CSMD3: variants seen among roughly 807,000 people sequenced by gnomAD.
CSMD3 encodes CUB and Sushi multiple domains 3.
Under a neutral mutation model 435.2 loss-of-function variants are expected in CSMD3, and 177 were observed. That is an observed-to-expected ratio of 0.41 (90% CI 0.36 to 0.46). The LOEUF (loss-of-function observed/expected upper bound fraction) is 0.46, where lower values mean the gene tolerates loss of function less well. Among genes scored for constraint, CSMD3 ranks in the 20% least tolerant of loss-of-function variants. CSMD3 has a pLI of 0.34. For synonymous variants in CSMD3, 1,656 were observed against 1,520.5 expected, an observed-to-expected ratio of 1.09 and a Z score of -2.07; for missense variants, 4,265 against 4,504.6, an observed-to-expected ratio of 0.95 and a Z score of 1.52.
At chr8:113,041,839 C>G (rs888269900) in intron 5 of CSMD3, among the ~76,000 whole-genome samples, 1 of 152,208 alleles carries the variant, frequency 6.6e-6, no homozygotes, top group South Asian at 2.1e-4. Context: ...CTGTTTTATA[C>G]ATTAAAATTT....
chr8:112,272,427 T>C (rs1381545263), intron 59 of CSMD3, among the ~76,000 whole-genome samples: 1 of 152,162 alleles, frequency 6.6e-6, no homozygotes, highest in Non-Finnish European at 1.5e-5. Flanking sequence ...TCTGGGCATA[T>C]AGTAACCATA....
intron 38 of CSMD3, among the ~76,000 whole-genome samples, chr8:112,360,489 G>C (rs1411614654): frequency 6.6e-6 from 1 of 151,816 alleles, no homozygotes; most frequent in Non-Finnish European, 1.5e-5. Context: ...AAGCAATTTT[G>C]TAAGTTAAAA....
chr8:113,323,876 T>C (rs1031039101), intron 1 of CSMD3, among the ~76,000 whole-genome samples: 10 of 152,338 alleles, frequency 6.6e-5, no homozygotes, highest in African/African-American at 2.4e-4. Flanking sequence ...TCCAGTAACC[T>C]TTCTTCTTTT....
At chr8:113,100,426 C>T (rs1230713906) in intron 4 of CSMD3, among the ~76,000 whole-genome samples, 1 of 152,070 alleles carries the variant, frequency 6.6e-6, no homozygotes, top group Admixed American at 6.6e-5. Context: ...TCTTTCCCTT[C>T]TCAAGTACCA....
At chr8:112,929,231 GT>G (rs2083016868) in intron 9 of CSMD3, among the ~76,000 whole-genome samples, 1 of 119,068 alleles carries the variant, frequency 8.4e-6, no homozygotes. Context: ...CTCCCATGGG[GT>G]GGGGGGAGGG....
intron 31 of CSMD3, among the ~76,000 whole-genome samples, chr8:112,481,396 A>T (rs1819610566): frequency 6.6e-6 from 1 of 152,212 alleles, no homozygotes; most frequent in Admixed American, 6.5e-5. Flanking sequence ...CACTTGTGTA[A>T]TGCATAATTT....
At chr8:112,422,482 C>A (rs1417795957) in intron 32 of CSMD3, among the ~76,000 whole-genome samples, 7 of 152,078 alleles carry the variant, frequency 4.6e-5, no homozygotes, top group Admixed American at 4.6e-4. Flanking sequence ...CAAAGTAAAA[C>A]GTTAGTCATA....
chr8:112,907,235 G>A (rs2082288527), intron 10 of CSMD3, among the ~76,000 whole-genome samples: 1 of 151,400 alleles, frequency 6.6e-6, no homozygotes, highest in African/African-American at 2.4e-5. Context: ...TGTATGCTGG[G>A]ACTGACAGTC....
chr8:112,611,553 C>T (rs1833262398), intron 22 of CSMD3, among the ~76,000 whole-genome samples: 1 of 151,982 alleles, frequency 6.6e-6, no homozygotes. Flanking sequence ...AGCATGATAG[C>T]TAAGTATTGA....
chr8:112,642,326 C>A (rs755388869), intron 20 of CSMD3, among the ~76,000 whole-genome samples: 1 of 151,952 alleles, frequency 6.6e-6, no homozygotes, highest in African/African-American at 2.4e-5. Flanking sequence ...TAATTAGCAT[C>A]CTGACTTCTA....
intron 7 of CSMD3, among the ~76,000 whole-genome samples, chr8:112,957,078 TA>T (rs979344543): frequency 2.6e-5 from 4 of 151,970 alleles, no homozygotes; most frequent in African/African-American, 4.8e-5. Context: ...ATAAATAAAT[TA>T]AAAAAATAAA....
intron 3 of CSMD3, among the ~76,000 whole-genome samples, chr8:113,254,682 A>G (rs2093364803): frequency 1.3e-5 from 2 of 152,212 alleles, no homozygotes; most frequent in Non-Finnish European, 2.9e-5. Flanking sequence ...AGAAGGAGAG[A>G]CATAAATGAA....
intron 53 of CSMD3, among the ~76,000 whole-genome samples, chr8:112,298,066 C>CAAAAAAAAAAAAAAAAAAAAAAAAAA (rs35232021): frequency 2.1e-5 from 2 of 93,588 alleles, no homozygotes; most frequent in Non-Finnish European, 4.5e-5. Context: ...TGCCATTGCA[C>CAAAAAAAAAAAAAAAAAAAAAAAAAA]AAAAAAAAAA....
At chr8:113,415,324 T>C (rs893043456) in intron 1 of CSMD3, among the ~76,000 whole-genome samples, 1 of 152,130 alleles carries the variant, frequency 6.6e-6, no homozygotes, top group Admixed American at 6.5e-5. Flanking sequence ...TGAGTAGAAC[T>C]GCACAGCTGA....
intron 1 of CSMD3, among the ~76,000 whole-genome samples, chr8:113,412,669 A>G (rs981327522): frequency 6.6e-6 from 1 of 152,132 alleles, no homozygotes; most frequent in African/African-American, 2.4e-5. Context: ...ATAGTATAAA[A>G]GCATTTCATA....
At chr8:112,377,079 G>A in intron 38 of CSMD3, among the ~76,000 whole-genome samples, 1 of 151,954 alleles carries the variant, frequency 6.6e-6, no homozygotes. Context: ...CATTTTCTAT[G>A]TCAAGAGTAG....
chr8:112,340,123 T>C (rs1287340095), intron 42 of CSMD3, among the ~76,000 whole-genome samples: 1 of 152,194 alleles, frequency 6.6e-6, no homozygotes, highest in Non-Finnish European at 1.5e-5. Context: ...TTAGTCTGTT[T>C]TAAGGTGCAT....
Position 112,352,508 on chromosome 8 carries a change from G to A in CSMD3, c.6163C>T (p.Pro2055Ser), listed in dbSNP as rs2131063826. The A allele has an allele frequency of 6.2e-7, 1 of 1,613,510 alleles. No homozygotes were observed. Reference protein sequence around the residue: ...TAIGLDSCPEPQTPSSGIKIG... With the variant: ...TAIGLDSCPESQTPSSGIKIG... ...TTAATTCCACTGCTAGGAGTTTGTG[G>A]TTCAGGACAGGAATCCAAACCAATT... The change falls in exon 39 of 71, where the codon CCA becomes TCA. Residue 2055 changes from proline to serine, a missense_variant. Physicochemically the swap from Pro to Ser is moderately conservative, Grantham distance 74. Around this residue, in one of 3 missense-constraint regions of CSMD3, gnomAD observed 3,255 missense variants for 3,380.2 expected, o/e 0.96. Coordinates refer to ENST00000297405, the MANE Select transcript of CSMD3 (RefSeq NM_198123.2).
chr8:113,130,081 T>C (rs1402557438), intron 4 of CSMD3, among the ~76,000 whole-genome samples: 1 of 152,036 alleles, frequency 6.6e-6, no homozygotes, highest in African/African-American at 2.4e-5. Flanking sequence ...TTAAGCTCTT[T>C]GTGATAGGCA....
Sources: gnomAD v4.1 joint callset for allele counts (sites outside exome capture counted in the v4.1 genomes callset) on GRCh38, gnomAD v4.1.1 for gene constraint, gnomAD v4.1.1 regional missense constraint, MANE v1.5 for transcripts, NCBI Gene and HGNC (gene_info 2026-07-23, HGNC 2026-07-21) for gene names.